Variants in VTI1A observed in about 807,000 individuals in gnomAD.
The protein encoded by VTI1A is vesicle transport through interaction with t-SNAREs 1A, also known as vesicle transport through interaction with t-SNAREs homolog 1A.
Under a neutral mutation model 34.9 loss-of-function variants are expected in VTI1A, and 22 were observed. That is an observed-to-expected ratio of 0.63 (90% CI 0.45 to 0.90). The LOEUF (loss-of-function observed/expected upper bound fraction) is 0.90. Ranked by LOEUF, VTI1A falls within the 40% of genes least tolerant of loss-of-function variation. The pLI, the probability that VTI1A is intolerant of heterozygous loss-of-function variation, is 0.00. For synonymous variants in VTI1A, 87 were observed against 97.3 expected (o/e 0.89, Z 0.62); for missense variants, 268 against 275.6 (o/e 0.97, Z 0.20).
intron 7 of VTI1A, chr10:112,737,018 A>G (rs150555677): frequency 6.7e-4 from 359 of 537,390 alleles, no homozygotes; most frequent in African/African-American, 6.1e-3. Context: ...ATGATTCTGT[A>G]ATAATCAAGG....
chr10:112,619,681 G>A (rs1354997901), intron 5 of VTI1A, among the ~76,000 whole-genome samples: 6 of 152,200 alleles, frequency 3.9e-5, no homozygotes, highest in Non-Finnish European at 8.8e-5. Context: ...CTCGTGACTA[G>A]ACACAGCTGG....
chr10:112,549,692 A>G (rs900188315), intron 5 of VTI1A, among the ~76,000 whole-genome samples: 1 of 152,168 alleles, frequency 6.6e-6, no homozygotes. Flanking sequence ...CAGTGGAAGG[A>G]TATCTCTGCT....
At chr10:112,850,503 C>G in the VTI1A span, among the ~76,000 whole-genome samples, 2 of 152,126 alleles carry the variant, frequency 1.3e-5, no homozygotes, top group Non-Finnish European at 2.9e-5. Flanking sequence ...CCAAGACTCC[C>G]AAGACCACAA....
intron 7 of VTI1A, among the ~76,000 whole-genome samples, chr10:112,729,873 T>C (rs1850186793): frequency 6.6e-6 from 1 of 152,216 alleles, no homozygotes; most frequent in Non-Finnish European, 1.5e-5. Context: ...GCAAGTGTCA[T>C]GTCTTGTGAT....
At chr10:112,726,326 G>A (rs1313940901) in intron 7 of VTI1A, among the ~76,000 whole-genome samples, 2 of 152,188 alleles carry the variant, frequency 1.3e-5, no homozygotes, top group African/African-American at 4.8e-5. Context: ...TAATGTTGAA[G>A]AATAATGGTA....
chr10:112,700,468 A>G (rs538117464), intron 7 of VTI1A, among the ~76,000 whole-genome samples: 1 of 152,254 alleles, frequency 6.6e-6, no homozygotes, highest in South Asian at 2.1e-4. Context: ...CTAATCAATC[A>G]TCTTTCTTGA....
chr10:112,620,287 C>A (rs1845679148), intron 5 of VTI1A, among the ~76,000 whole-genome samples: 1 of 152,152 alleles, frequency 6.6e-6, no homozygotes, highest in South Asian at 2.1e-4. Flanking sequence ...TTGTACTAGG[C>A]ACTGTGGATC....
chr10:112,699,620 C>T (rs180920072), intron 7 of VTI1A, among the ~76,000 whole-genome samples: 361 of 152,010 alleles, frequency 2.4e-3, no homozygotes, highest in Non-Finnish European at 3.1e-3. Context: ...ATCATGAGGT[C>T]AGGAGATCAA....
rs189198064 is a variant in VTI1A at position 112,489,283 on chromosome 10, A to G, written c.264+24626A>G. 2.0e-5 allele frequency among the ~76,000 whole-genome samples: 3 copies of G among 152,182 alleles called. No homozygotes were observed. The East Asian group carries it at 5.8e-4, about 29-fold the overall frequency. ...TAACTCAGCTCTGTCAATTTCCTGG[A>G]CTTATTGGAAGATACAAGGTACTCC... On this transcript the variant is annotated intron_variant, in intron 3 of 7. Transcript: ENST00000393077.
chr10:112,805,026 AT>A lies in VTI1A; in HGVS notation c.561-10252del, dbSNP rs568126251. On this transcript the variant is annotated intron_variant, in intron 7 of 7. Coordinates refer to ENST00000393077, the MANE Select transcript of VTI1A (RefSeq NM_145206.4). The stretch of plus-strand genomic sequence containing the variant: ...AAGGTGTGCCCCACCACGCCTGGCT[AT>A]TTTTTTTTTTTACTTTTTGTAGAGA... 8.0e-3 allele frequency among the ~76,000 whole-genome samples: 1,141 copies of A among 142,600 alleles called. 5 individuals are homozygous for A. Among genetic ancestry groups the A allele is most frequent in the Non-Finnish European group, 0.013 (819 of 64,848 alleles). 93.6% of individuals were successfully genotyped at this position (142,600 alleles called of 152,430 possible). A position where few individuals can be genotyped will look rare whatever the true frequency, so the allele number is the denominator to read the frequency against.
intron 7 of VTI1A, among the ~76,000 whole-genome samples, chr10:112,787,217 T>G (rs575075651): frequency 3.9e-5 from 6 of 152,224 alleles, no homozygotes; most frequent in Non-Finnish European, 7.3e-5. Context: ...TCCCTTGTAA[T>G]CCTTTAATTT....
At chr10:112,766,070 A>G (rs925952777) in intron 7 of VTI1A, among the ~76,000 whole-genome samples, 2 of 152,242 alleles carry the variant, frequency 1.3e-5, no homozygotes, top group Admixed American at 1.3e-4. Context: ...GAATTAGGCC[A>G]GTGTGTCTGG....
chr10:112,821,622 G>A (rs1853657224), downstream of VTI1A, among the ~76,000 whole-genome samples: 1 of 152,152 alleles, frequency 6.6e-6, no homozygotes, highest in South Asian at 2.1e-4. Flanking sequence ...TACCCCCAGC[G>A]CTGACAAGCA....
chr10:112,562,139 T>A (rs1851743502), intron 5 of VTI1A, among the ~76,000 whole-genome samples: 1 of 152,200 alleles, frequency 6.6e-6, no homozygotes, highest in Admixed American at 6.5e-5. Context: ...CCAGTACTTG[T>A]CATATATTCC....
intron 3 of VTI1A, among the ~76,000 whole-genome samples, chr10:112,465,615 C>A (rs1293097542): frequency 6.6e-6 from 1 of 152,178 alleles, no homozygotes; most frequent in African/African-American, 2.4e-5. Context: ...CTCACAAAGA[C>A]AAATACTACA....
intron 5 of VTI1A, among the ~76,000 whole-genome samples, chr10:112,574,845 C>A (rs368281468): frequency 6.6e-6 from 1 of 152,156 alleles, no homozygotes; most frequent in Admixed American, 6.5e-5. Context: ...GGAAATGTTG[C>A]GTGAATTTGA....
intron 5 of VTI1A, among the ~76,000 whole-genome samples, chr10:112,638,971 C>A (rs540197349): frequency 3.9e-5 from 6 of 152,004 alleles, no homozygotes; most frequent in African/African-American, 1.4e-4. Flanking sequence ...TTTCTTTCTA[C>A]AAAATGGGAG....
intron 7 of VTI1A, among the ~76,000 whole-genome samples, chr10:112,728,124 T>C (rs1041877684): frequency 2.6e-5 from 4 of 152,180 alleles, no homozygotes; most frequent in African/African-American, 9.7e-5. Flanking sequence ...CTCAGGAAAG[T>C]TTCTCAGGTT....
At chr10:112,839,235 A>C in the VTI1A span, among the ~76,000 whole-genome samples, 1 of 152,186 alleles carries the variant, frequency 6.6e-6, no homozygotes, top group South Asian at 2.1e-4. Context: ...AGGGGCTCAC[A>C]GTCTGGCAGG....
Sources: allele counts gnomAD v4.1 joint callset (sites outside exome capture counted in the v4.1 genomes callset), GRCh38; gene constraint gnomAD v4.1.1; transcripts MANE v1.5; gene names NCBI Gene and HGNC (gene_info 2026-07-23, HGNC 2026-07-21).